MTFR1: variants seen among roughly 807,000 people sequenced by gnomAD.
The protein encoded by MTFR1 is chondrocyte protein with a poly-proline region.
Under a neutral mutation model 38.8 loss-of-function variants are expected in MTFR1, and 28 were observed. That is an observed-to-expected ratio of 0.72 (90% CI 0.53 to 0.99). The LOEUF (loss-of-function observed/expected upper bound fraction) is 0.99. Among genes scored for constraint, MTFR1 ranks in the 50% least tolerant of loss-of-function variants. The pLI is 0.00. For synonymous variants in MTFR1, 145 were observed against 137.0 expected (o/e 1.06, Z -0.41); for missense variants, 358 against 395.5 (o/e 0.91, Z 0.81).
chr8:65,728,531 G>C (rs1018005571), intron 3 of MTFR1: 6 of 152,086 alleles, frequency 3.9e-5, no homozygotes, highest in Non-Finnish European at 8.8e-5. Flanking sequence ...TCAATGAATA[G>C]GAGAAGATGA....
intron 3 of MTFR1, among the ~76,000 whole-genome samples, chr8:65,689,295 A>G (rs1288818343): frequency 6.6e-6 from 1 of 152,250 alleles, no homozygotes; most frequent in African/African-American, 2.4e-5. Context: ...TCACAAGAGG[A>G]TGAAGTTAGT....
chr8:65,662,532 G>T, intron 1 of MTFR1, among the ~76,000 whole-genome samples: 1 of 147,696 alleles, frequency 6.8e-6, no homozygotes, highest in African/African-American at 2.5e-5. Context: ...CGTCTGGGAA[G>T]TGAGGAGCGT....
chr8:65,691,169 T>G (rs895741167), intron 3 of MTFR1, among the ~76,000 whole-genome samples: 2 of 152,216 alleles, frequency 1.3e-5, no homozygotes, highest in African/African-American at 4.8e-5. Context: ...AAGTTCATGC[T>G]TTTTTCCTCA....
intron 3 of MTFR1, chr8:65,689,614 T>C (rs1805211064): frequency 7.9e-7 from 1 of 1,271,392 alleles, no homozygotes; most frequent in Admixed American, 2.5e-5. Context: ...GTTGTCCTTT[T>C]CTTTCTCAAA....
chr8:65,721,607 A>G (rs950576878), intron 3 of MTFR1, among the ~76,000 whole-genome samples: 1 of 152,220 alleles, frequency 6.6e-6, no homozygotes, highest in Admixed American at 6.5e-5. Flanking sequence ...GACAAGATCA[A>G]TAGCTTGAGA....
chr8:65,682,858 A>G, intron 3 of MTFR1: 3 of 985,288 alleles, frequency 3.0e-6, no homozygotes, highest in Non-Finnish European at 3.6e-6. Context: ...TGTGGATGCC[A>G]TATAAGTTGC....
At chr8:65,673,979 C>T (rs1253775873) in intron 2 of MTFR1, among the ~76,000 whole-genome samples, 1 of 152,216 alleles carries the variant, frequency 6.6e-6, no homozygotes, top group East Asian at 1.9e-4. Flanking sequence ...ATGAAGTGAG[C>T]ACATGCTGTT....
intron 3 of MTFR1, among the ~76,000 whole-genome samples, chr8:65,745,763 T>C (rs533489716): frequency 4.4e-4 from 67 of 152,336 alleles, no homozygotes; most frequent in Non-Finnish European, 8.8e-4. Context: ...AATTCTAGTA[T>C]CACTTAACAT....
At chr8:65,681,527 T>C (rs1405248596) in intron 2 of MTFR1, among the ~76,000 whole-genome samples, 1 of 152,246 alleles carries the variant, frequency 6.6e-6, no homozygotes, top group African/African-American at 2.4e-5. Context: ...TCTTTACTTA[T>C]TCTGTCCAGG....
chr8:65,648,720 G>T (rs1175737428), intron 1 of MTFR1, among the ~76,000 whole-genome samples: 1 of 152,044 alleles, frequency 6.6e-6, no homozygotes, highest in Non-Finnish European at 1.5e-5. Context: ...TAAACAGTCA[G>T]ACAAGTTAAA....
At chr8:65,758,991 T>C (rs1354390584) in intron 3 of MTFR1, among the ~76,000 whole-genome samples, 1 of 152,190 alleles carries the variant, frequency 6.6e-6, no homozygotes, top group African/African-American at 2.4e-5. Context: ...ACCGTCATTA[T>C]GTGTCTGAGA....
chr8:65,744,020 A>G (rs2128904441), intron 3 of MTFR1, among the ~76,000 whole-genome samples: 1 of 152,226 alleles, frequency 6.6e-6, no homozygotes, highest in Admixed American at 6.5e-5. Context: ...TTTAGTAGAG[A>G]TGGGGTTTTG....
chr8:65,704,626 C>A, intron 4 of MTFR1, 68 bp from the exon 5 acceptor site: 1 of 1,275,162 alleles, frequency 7.8e-7, no homozygotes, highest in South Asian at 1.2e-5. Context: ...GATACACTGT[C>A]AGGTGAGGAT....
chr8:65,771,854 A>AG, downstream of MTFR1, among the ~76,000 whole-genome samples: 1 of 148,854 alleles, frequency 6.7e-6, no homozygotes. Context: ...CAGCCTGGGC[A>AG]ACAGATCGAG....
At chr8:65,672,806 A>C (rs529024476) in intron 2 of MTFR1, among the ~76,000 whole-genome samples, 2 of 152,132 alleles carry the variant, frequency 1.3e-5, no homozygotes, top group Non-Finnish European at 2.9e-5. Flanking sequence ...GCTAGCTTCA[A>C]CTTTTCTTTT....
At position 65,704,753 on chromosome 8, in the gene MTFR1, C is replaced by T. The variant is rs1805726937; in HGVS notation, c.341C>T (p.Pro114Leu). 6.2e-7 allele frequency: 1 copy of T among 1,613,976 alleles called. No homozygotes were observed. The highest frequency in any genetic ancestry group is 1.3e-5 in the African/African-American group (1 of 74,904). ...GACCTTCTTTTCTTTGAGAAGGCCC[C>T]AAGCAGACAGATTTCCTTACCAGAC... The part of the protein sequence containing the change: ...QDDLLFFEKA[P>L]SRQISLPDLS... The change falls in exon 5 of 8, where the codon CCA (proline) becomes CTA (leucine). Residue 114 changes from proline (P) to leucine (L), a missense_variant. Pro to Leu is a moderately conservative substitution (Grantham distance 98, BLOSUM62 -3). Transcript: ENST00000262146.
chr8:65,755,503 T>A (rs1808185402), intron 3 of MTFR1, among the ~76,000 whole-genome samples: 1 of 152,240 alleles, frequency 6.6e-6, no homozygotes, highest in Admixed American at 6.5e-5. Flanking sequence ...ATTTCAATAG[T>A]ATACAAACAC....
At chr8:65,746,647 T>C (rs1807689837) in intron 3 of MTFR1, among the ~76,000 whole-genome samples, 1 of 152,192 alleles carries the variant, frequency 6.6e-6, no homozygotes, top group South Asian at 2.1e-4. Flanking sequence ...TATACATTTA[T>C]GAATACACTG....
At position 65,709,010 on chromosome 8, in the gene MTFR1, T is replaced by G. The variant is rs1470386622; in HGVS notation, c.968T>G (p.Met323Arg). 1 of 1,613,992 alleles carries G rather than the reference T, an allele frequency of 6.2e-7. No individual in the cohort carries two copies. Among genetic ancestry groups the G allele is most frequent in the Admixed American group, 1.7e-5 (1 of 60,016 alleles). Residue 323 changes from methionine (M) to arginine (R), a missense_variant, in exon 8 of 8, where the codon ATG becomes AGG. By Grantham distance (91) the Met-to-Arg change is moderately conservative. Coordinates refer to ENST00000262146, the MANE Select transcript of MTFR1 (RefSeq NM_014637.4). Reference sequence around the variant, plus strand: ...CACATGTTGAAGCCAACAGGAAAAATGAAGGCTTTAATTGAAAATGTATCA... The same window carrying G: ...CACATGTTGAAGCCAACAGGAAAAAGGAAGGCTTTAATTGAAAATGTATCA... ...GPHMLKPTGK[M>R]KALIENVSDS is the part of the protein sequence containing the mutation.
Sources: allele counts gnomAD v4.1 joint callset (sites outside exome capture counted in the v4.1 genomes callset), GRCh38; gene constraint gnomAD v4.1.1; transcripts MANE v1.5; gene names NCBI Gene and HGNC (gene_info 2026-07-23, HGNC 2026-07-21).